The following IGSF21 variants were observed in gnomAD, a reference collection of about 807,000 sequenced individuals.
IGSF21 encodes immunoglobin superfamily member 21, also known as immunoglobulin superfamily member 21.
IGSF21 carries 28 observed loss-of-function variants against 46.8 expected under a neutral mutation model. The ratio of observed to expected loss-of-function variants is 0.60; its 90% CI spans 0.44 to 0.82. The LOEUF (loss-of-function observed/expected upper bound fraction) is 0.82, where lower values mean the gene tolerates loss of function less well. Among genes scored for constraint, IGSF21 ranks in the 40% least tolerant of loss-of-function variants. The probability of loss-of-function intolerance (pLI) is 0.00; values close to 1 mark genes in which losing one functional copy is unlikely to be tolerated. For synonymous variants in IGSF21, 284 were observed against 273.6 expected, an observed-to-expected ratio of 1.04 and a Z score of -0.38; for missense variants, 624 against 665.5, an observed-to-expected ratio of 0.94 and a Z score of 0.69.
chr1:18,183,236 A>C (rs545775694), intron 1 of IGSF21, among the ~76,000 whole-genome samples: 51 of 152,334 alleles, frequency 3.3e-4, no homozygotes, highest in African/African-American at 1.2e-3. Context: ...GTTTTATAGA[A>C]TATAATAAAA....
chr1:18,115,894 AAAGAAAGAAGGAGAGG>A (rs2086185392), intron 1 of IGSF21: 1 of 121,992 alleles, frequency 8.2e-6, no homozygotes, highest in African/African-American at 3.0e-5. Flanking sequence ...AGAAAGAAAG[AAAGAAAGAAGGAGAGG>A]GAGGGAGGGA....
At chr1:18,126,155 G>T (rs1458782846) in intron 1 of IGSF21, among the ~76,000 whole-genome samples, 1 of 152,134 alleles carries the variant, frequency 6.6e-6, no homozygotes, top group Non-Finnish European at 1.5e-5. Flanking sequence ...TTTGGGAGGC[G>T]AGAATGTGGC....
chr1:18,198,389 C>T (rs1383481412), intron 1 of IGSF21, among the ~76,000 whole-genome samples: 1 of 152,138 alleles, frequency 6.6e-6, no homozygotes, highest in Admixed American at 6.5e-5. Flanking sequence ...CGTAGGGTGG[C>T]CCTGCCCATG....
intron 1 of IGSF21, among the ~76,000 whole-genome samples, chr1:18,166,453 G>A (rs1313636271): frequency 6.6e-6 from 1 of 152,062 alleles, no homozygotes; most frequent in Non-Finnish European, 1.5e-5. Context: ...GGTGACCTTG[G>A]GCAAGTCACT....
At chr1:18,340,934 C>T (rs2085827732) in intron 4 of IGSF21, among the ~76,000 whole-genome samples, 1 of 151,706 alleles carries the variant, frequency 6.6e-6, no homozygotes, top group Admixed American at 6.6e-5. Context: ...TTCTTTCCTC[C>T]TCTTCTCCGT....
At chr1:18,274,235 A>G (rs1171533707) in intron 2 of IGSF21, among the ~76,000 whole-genome samples, 3 of 152,124 alleles carry the variant, frequency 2.0e-5, no homozygotes, top group African/African-American at 2.4e-5. Flanking sequence ...TATGAAGGCT[A>G]TAACCACACC....
intron 2 of IGSF21, among the ~76,000 whole-genome samples, chr1:18,273,444 CACTTTCTTTCTT>C (rs1444786415): frequency 1.4e-4 from 14 of 97,318 alleles, no homozygotes; most frequent in African/African-American, 5.1e-4. Flanking sequence ...CTTTCTTTCT[CACTTTCTTTCTT>C]TCTCTCTCTT....
At chr1:18,173,838 C>T (rs974455638) in intron 1 of IGSF21, among the ~76,000 whole-genome samples, 4 of 152,192 alleles carry the variant, frequency 2.6e-5, no homozygotes, top group Admixed American at 6.5e-5. Flanking sequence ...ATTGCAACCT[C>T]GGTCTCCCAG....
At chr1:18,265,068 T>C (rs2084977904) in intron 2 of IGSF21, among the ~76,000 whole-genome samples, 1 of 152,216 alleles carries the variant, frequency 6.6e-6, no homozygotes, top group Non-Finnish European at 1.5e-5. Flanking sequence ...ATGAAAGATT[T>C]ATTTTATTTT....
At chr1:18,370,776 T>A (rs1015813511) in intron 6 of IGSF21, among the ~76,000 whole-genome samples, 1 of 152,108 alleles carries the variant, frequency 6.6e-6, no homozygotes, top group Non-Finnish European at 1.5e-5. Context: ...GACTACCCAA[T>A]TTTTTAAAAA....
At chr1:18,242,148 C>G (rs772065209) in intron 2 of IGSF21, among the ~76,000 whole-genome samples, 6 of 152,208 alleles carry the variant, frequency 3.9e-5, no homozygotes, top group Non-Finnish European at 7.3e-5. Flanking sequence ...TGAGGGAAAA[C>G]AGCTTCCACC....
chr1:18,204,326 C>A (rs1047681641), intron 1 of IGSF21, among the ~76,000 whole-genome samples: 2 of 152,190 alleles, frequency 1.3e-5, no homozygotes, highest in Non-Finnish European at 2.9e-5. Flanking sequence ...GACTTCAGAG[C>A]CTGTGCTCGC....
intron 2 of IGSF21, among the ~76,000 whole-genome samples, chr1:18,261,951 G>C: frequency 6.6e-6 from 1 of 152,214 alleles, no homozygotes; most frequent in East Asian, 1.9e-4. Flanking sequence ...GTGGGGCTCA[G>C]CTTCACCAGT....
chr1:18,270,686 G>T (rs1214972508), intron 2 of IGSF21, among the ~76,000 whole-genome samples: 2 of 152,182 alleles, frequency 1.3e-5, no homozygotes, highest in Non-Finnish European at 2.9e-5. Flanking sequence ...AAACAGCCGG[G>T]CTCCGTGACA....
intron 1 of IGSF21, among the ~76,000 whole-genome samples, chr1:18,158,654 T>A (rs955427734): frequency 6.6e-6 from 1 of 152,116 alleles, no homozygotes; most frequent in African/African-American, 2.4e-5. Flanking sequence ...TCTCTTTTCT[T>A]CTCTCTCAAT....
chr1:18,149,558 C>G (rs573555265), intron 1 of IGSF21, among the ~76,000 whole-genome samples: 1 of 152,008 alleles, frequency 6.6e-6, no homozygotes, highest in East Asian at 2.0e-4. Flanking sequence ...CCTGCCTCCC[C>G]AGTACCGCTC....
chr1:18,139,441 C>T (rs1199152203), intron 1 of IGSF21, among the ~76,000 whole-genome samples: 2 of 152,312 alleles, frequency 1.3e-5, no homozygotes, highest in East Asian at 3.9e-4. Context: ...CGATCCATCT[C>T]ACCCACCCTC....
intron 3 of IGSF21, among the ~76,000 whole-genome samples, chr1:18,325,894 A>G (rs2085652765): frequency 6.6e-6 from 1 of 152,116 alleles, no homozygotes; most frequent in Admixed American, 6.5e-5. Flanking sequence ...GGGGATAGGC[A>G]GCAGCCAGGG....
At chr1:18,336,843 A>G (rs2085772231) in intron 4 of IGSF21, among the ~76,000 whole-genome samples, 1 of 152,218 alleles carries the variant, frequency 6.6e-6, no homozygotes, top group Non-Finnish European at 1.5e-5. Flanking sequence ...GTGGCTAGGG[A>G]GGCCTCACAA....
Sources: gnomAD v4.1 joint callset for allele counts (sites outside exome capture counted in the v4.1 genomes callset) on GRCh38, gnomAD v4.1.1 for gene constraint, MANE v1.5 for transcripts, NCBI Gene and HGNC (gene_info 2026-07-23, HGNC 2026-07-21) for gene names.